CAMKMT: variants seen among roughly 807,000 people sequenced by gnomAD.
CAMKMT encodes the protein CaM KMT.
In CAMKMT, 53 loss-of-function variants were observed where a neutral mutation model predicts 48.0. The observed-to-expected ratio is 1.10, with a 90% confidence interval of 0.89 to 1.39. CAMKMT has a LOEUF of 1.39. Ranked by LOEUF, CAMKMT falls within the 40% of genes most tolerant of loss-of-function variation. The pLI, the probability that CAMKMT is intolerant of heterozygous loss-of-function variation, is 0.00. For missense variants in CAMKMT, 428 were observed against 402.7 expected (o/e 1.06, Z -0.54); for synonymous variants, 165 against 152.3 (o/e 1.08, Z -0.61).
At chr2:44,509,702 A>G (rs985605822) in intron 3 of CAMKMT, among the ~76,000 whole-genome samples, 1 of 152,204 alleles carries the variant, frequency 6.6e-6, no homozygotes, top group Non-Finnish European at 1.5e-5. Flanking sequence ...AGAGGGATTA[A>G]TGCTGCTCTT....
intron 3 of CAMKMT, among the ~76,000 whole-genome samples, chr2:44,502,885 T>C (rs1479616463): frequency 2.0e-5 from 3 of 152,170 alleles, no homozygotes; most frequent in Non-Finnish European, 2.9e-5. Context: ...TAATAGGATA[T>C]GTAATTTGGG....
chr2:44,715,706 A>T (rs1678141172), intron 7 of CAMKMT, among the ~76,000 whole-genome samples: 1 of 152,138 alleles, frequency 6.6e-6, no homozygotes. Flanking sequence ...TTTGCCCCCA[A>T]GGGGACTTTT....
At chr2:44,459,702 TG>T (rs1322234015) in intron 3 of CAMKMT, among the ~76,000 whole-genome samples, 12 of 152,198 alleles carry the variant, frequency 7.9e-5, no homozygotes, top group Admixed American at 7.9e-4. Context: ...CTCACTTAAG[TG>T]GCCCTAAGAA....
intron 2 of CAMKMT, among the ~76,000 whole-genome samples, chr2:44,388,635 G>T (rs546036423): frequency 7.7e-4 from 117 of 152,268 alleles, no homozygotes; most frequent in African/African-American, 2.7e-3. Context: ...ATTTGGGTAG[G>T]CTCCGTCAGA....
chr2:44,613,635 G>A (rs547981215), intron 3 of CAMKMT, among the ~76,000 whole-genome samples: 25 of 152,256 alleles, frequency 1.6e-4, no homozygotes, highest in African/African-American at 4.6e-4. Context: ...TTATACCAAC[G>A]GCTGACATTT....
At chr2:44,682,713 G>A (rs1040219509) in intron 3 of CAMKMT, among the ~76,000 whole-genome samples, 2 of 152,146 alleles carry the variant, frequency 1.3e-5, no homozygotes. Context: ...CCTGAGTGCA[G>A]AGACAATCGA....
chr2:44,402,465 A>T (rs1044367461), intron 3 of CAMKMT, among the ~76,000 whole-genome samples: 5 of 151,692 alleles, frequency 3.3e-5, no homozygotes, highest in Admixed American at 2.6e-4. Context: ...AAACTTGTTA[A>T]TTCTCTGTTG....
chr2:44,602,695 G>A (rs764455890), intron 3 of CAMKMT, among the ~76,000 whole-genome samples: 4 of 152,026 alleles, frequency 2.6e-5, no homozygotes, highest in Non-Finnish European at 5.9e-5. Context: ...GCTGGAGAGA[G>A]AGAGAACAAG....
rs115078933 is a variant in CAMKMT at position 44,569,304 on chromosome 2, T to C, written c.377-134979T>C. Among the ~76,000 whole-genome samples the C allele has an allele frequency of 6.6e-3, 1,013 of 152,338 alleles. 16 individuals carry two copies. The highest frequency in any genetic ancestry group is 0.023 in the African/African-American group (951 of 41,584). Reference sequence around the variant, plus strand: ...CATGGTAAAGGTCTATAAATCAAGATGCAAATATCATCGGCTTCTTACAGG... The same window carrying C: ...CATGGTAAAGGTCTATAAATCAAGACGCAAATATCATCGGCTTCTTACAGG... On this transcript the variant is annotated intron_variant, in intron 3 of 10. Coordinates refer to ENST00000378494, the MANE Select transcript of CAMKMT (RefSeq NM_024766.5).
chr2:44,657,412 G>A lies in CAMKMT; in HGVS notation c.377-46871G>A, dbSNP rs1674438000. Among the ~76,000 whole-genome samples, 1 of 152,162 alleles carries A rather than the reference G, an allele frequency of 6.6e-6. No individual in the cohort carries two copies. Among genetic ancestry groups the A allele is most frequent in the Non-Finnish European group, 1.5e-5 (1 of 68,034 alleles). On this transcript the variant is annotated intron_variant, in intron 3 of 10. Coordinates refer to ENST00000378494, the MANE Select transcript of CAMKMT (RefSeq NM_024766.5). The surrounding 1 kb of genome is among the most constrained non-coding windows in gnomAD (Gnocchi z 4.3). ...TCCCCATGAATATTGTGAACCTGAA[G>A]TTCAGAATGACTCTTCCACCCTCCC...
chr2:44,769,781 C>T (rs1389262382), intron 10 of CAMKMT, among the ~76,000 whole-genome samples: 1 of 152,064 alleles, frequency 6.6e-6, no homozygotes, highest in East Asian at 1.9e-4. Context: ...GGCCATATTG[C>T]ACTTCTGCTT....
At chr2:44,670,251 C>G (rs537587229) in intron 3 of CAMKMT, among the ~76,000 whole-genome samples, 1 of 152,280 alleles carries the variant, frequency 6.6e-6, no homozygotes, top group South Asian at 2.1e-4. Flanking sequence ...TTCACTTACA[C>G]AAACTATTCC....
intron 3 of CAMKMT, among the ~76,000 whole-genome samples, chr2:44,608,869 A>T (rs1035042148): frequency 2.0e-5 from 3 of 152,170 alleles, no homozygotes; most frequent in African/African-American, 4.8e-5. Context: ...GGTATTGCTA[A>T]TAGGTGCCTC....
At chr2:44,739,455 A>G (rs1277000843) in intron 7 of CAMKMT, among the ~76,000 whole-genome samples, 1 of 152,248 alleles carries the variant, frequency 6.6e-6, no homozygotes, top group East Asian at 1.9e-4. Context: ...CGAGATTTAA[A>G]AAAGACTGAA....
chr2:44,741,380 G>A (rs1024106793), intron 7 of CAMKMT, among the ~76,000 whole-genome samples: 1 of 152,200 alleles, frequency 6.6e-6, no homozygotes, highest in Non-Finnish European at 1.5e-5. Flanking sequence ...ACAGCTCCAG[G>A]AAGCACCATT....
intron 3 of CAMKMT, among the ~76,000 whole-genome samples, chr2:44,669,892 C>A (rs1320412918): frequency 1.3e-5 from 2 of 152,182 alleles, no homozygotes; most frequent in African/African-American, 4.8e-5. Flanking sequence ...CTCACCTCAG[C>A]CTCCCAAAGT....
intron 3 of CAMKMT, among the ~76,000 whole-genome samples, chr2:44,634,286 C>T (rs1306143926): frequency 6.6e-6 from 1 of 151,880 alleles, no homozygotes; most frequent in African/African-American, 2.4e-5. Context: ...TCTCTACCTC[C>T]TCAACTTAAT....
chr2:44,691,217 C>T (rs552024684), intron 3 of CAMKMT, among the ~76,000 whole-genome samples: 3 of 152,300 alleles, frequency 2.0e-5, no homozygotes, highest in South Asian at 2.1e-4. Flanking sequence ...CTATGACCGC[C>T]GTGCATTTCT....
rs1679149634 is a variant in CAMKMT at position 44,732,767 on chromosome 2, TG to T, written c.624-10854del. Among the ~76,000 whole-genome samples the T allele has an allele frequency of 2.0e-5, 3 of 152,302 alleles. No homozygotes were observed. In the East Asian group the frequency reaches 5.8e-4, roughly 29 times the overall value. ...TTGCTCATTTTTTAAAAAATTGGGTTGCTTGTTTTTCTTATCATTGACATAC... is the reference window on the plus strand; with the variant it reads ...TTGCTCATTTTTTAAAAAATTGGGTTCTTGTTTTTCTTATCATTGACATAC... On this transcript the variant is annotated intron_variant, in intron 7 of 10. Coordinates refer to ENST00000378494, the MANE Select transcript of CAMKMT (RefSeq NM_024766.5).
Sources: allele counts gnomAD v4.1 joint callset (sites outside exome capture counted in the v4.1 genomes callset), GRCh38; gene constraint gnomAD v4.1.1; non-coding constraint Gnocchi (gnomAD v3.1); transcripts MANE v1.5; gene names NCBI Gene and HGNC (gene_info 2026-07-23, HGNC 2026-07-21).